TALDO1: variants seen among roughly 807,000 people sequenced by gnomAD.
The protein encoded by TALDO1 is transaldolase.
In TALDO1, 29 loss-of-function variants were observed where a neutral mutation model predicts 38.1. That is an observed-to-expected ratio of 0.76 (90% confidence interval 0.57 to 1.04). TALDO1 has a LOEUF of 1.04. Ranked by LOEUF, TALDO1 falls within the 50% of genes least tolerant of loss-of-function variation. The pLI is 0.00. For synonymous variants in TALDO1, 207 were observed against 176.8 expected (o/e 1.17, Z -1.36); for missense variants, 499 against 438.1 (o/e 1.14, Z -1.24).
intron 1 of TALDO1, chr11:752,548 T>C (rs902071419): frequency 6.6e-6 from 1 of 152,164 alleles, no homozygotes; most frequent in African/African-American, 2.4e-5. Flanking sequence ...GGGCTGTCCA[T>C]ACTTCAGTCA....
intron 7 of TALDO1, 76 bp downstream of exon 7, chr11:764,509 G>A: frequency 6.4e-7 from 1 of 1,572,140 alleles, no homozygotes; most frequent in South Asian, 1.2e-5. Context: ...GTTCAAGCTG[G>A]GCAGAGTTAA....
intron 2 of TALDO1, 40 bp downstream of exon 2, chr11:756,042 G>T: frequency 6.3e-7 from 1 of 1,599,410 alleles, no homozygotes; most frequent in Non-Finnish European, 8.5e-7. Flanking sequence ...CTAGGCCCTC[G>T]TGCTAGTCTA....
At chr11:747,809 A>G (rs1417114462) in intron 1 of TALDO1, among the ~76,000 whole-genome samples, 1 of 151,140 alleles carries the variant, frequency 6.6e-6, no homozygotes, top group Admixed American at 6.6e-5. Context: ...CCGTGAGGGG[A>G]ACGGGGCCCG....
In TALDO1 at chr11:755,884, G is replaced by A. The variant is rs770229183; in HGVS notation, c.103G>A (p.Asp35Asn). The A allele has an allele frequency of 3.7e-6, 6 of 1,614,004 alleles. No individual in the cohort carries two copies. Among genetic ancestry groups the A allele is most frequent in the East Asian group, 4.5e-5 (2 of 44,898 alleles). The change falls in exon 2 of 8, where the codon GAC becomes AAC. Residue 35 changes from aspartate (D) to asparagine (N), a missense_variant. Physicochemically the swap from Asp to Asn is conservative, Grantham distance 23. Transcript: ENST00000319006. ...VADTGDFHAI[D>N]EYKPQDATTN... ...TTTGAAAACTATTTCCCTAGCCATC[G>A]ACGAGTACAAGCCCCAGGATGCTAC... is the stretch of plus-strand genomic sequence containing the variant.
At position 763,356 on chromosome 11, in the gene TALDO1, G is replaced by A; in HGVS notation, c.474G>A (p.Glu158=). ...EGIQAGKELE[E]QHGIHCNMTL... is the part of the protein sequence containing the mutation. ...CCCCGCCCCGCAGGGAGCTCGAGGAGCAGCACGGCATCCACTGCAACATGA... is the reference window on the plus strand; with the variant it reads ...CCCCGCCCCGCAGGGAGCTCGAGGAACAGCACGGCATCCACTGCAACATGA... Residue 158 remains glutamate, a synonymous_variant, in exon 5 of 8, where the codon GAG becomes GAA. Transcript: ENST00000319006. 1.3e-6 allele frequency: 2 copies of A among 1,589,182 alleles called. No individual in the cohort carries two copies. Among genetic ancestry groups the A allele is most frequent in the Non-Finnish European group, 1.7e-6 (2 of 1,165,102 alleles).
rs1325650889 is a variant in TALDO1 at position 763,490 on chromosome 11, A to G, written c.608A>G (p.Lys203Arg). 6.2e-7 allele frequency: 1 copy of G among 1,613,434 alleles called. No individual in the cohort carries two copies. The highest frequency in any genetic ancestry group is 8.5e-7 in the Non-Finnish European group (1 of 1,179,850). The change falls in exon 5 of 8, where the codon AAG (lysine) becomes AGG (arginine). Residue 203 changes from lysine to arginine, a missense_variant. Physicochemically the swap from Lys to Arg is conservative, Grantham distance 26. Transcript: ENST00000319006. ...ILDWHVANTD[K>R]KSYEPLEDPG... ...GATTGGCATGTGGCAAACACCGACAAGAAATCCTATGAGCCCCTGGAAGAC... is the reference window on the plus strand; with the variant it reads ...GATTGGCATGTGGCAAACACCGACAGGAAATCCTATGAGCCCCTGGAAGAC...
In TALDO1 at chr11:757,441, C is replaced by T. The variant is rs376398029; in HGVS notation, c.221+1439C>T. 1.6e-3 allele frequency among the ~76,000 whole-genome samples: 242 copies of T among 152,122 alleles called. 1 individual carries two copies. The highest frequency in any genetic ancestry group is 5.3e-3 in the African/African-American group (220 of 41,518). ...CCAAGTAGCTGGGACTACAGGTGCA[C>T]GCCACCACACCTGGCTAATATTTGT... On this transcript the variant is annotated intron_variant, in intron 2 of 7. Transcript: ENST00000319006.
intron 7 of TALDO1, 130 bp from the exon 8 acceptor site, chr11:764,683 C>A: frequency 4.1e-6 from 6 of 1,468,434 alleles, no homozygotes; most frequent in Non-Finnish European, 5.7e-6. Context: ...ATTGGCCACC[C>A]TGTGGCCGTG....
At chr11:748,198 C>G (rs569460791) in intron 1 of TALDO1, among the ~76,000 whole-genome samples, 1 of 152,354 alleles carries the variant, frequency 6.6e-6, no homozygotes, top group East Asian at 1.9e-4. Flanking sequence ...TCAGCTAGCT[C>G]TGACCAGAAG....
At chr11:755,842 C>G (rs749109942) in intron 1 of TALDO1, 37 bp from the exon 2 acceptor site, 13 of 1,613,986 alleles carry the variant, frequency 8.1e-6, no homozygotes, top group South Asian at 4.4e-5. Context: ...GAAGCAAGTA[C>G]TCCACTTACT....
At chr11:761,990 C>T (rs566806695) in intron 4 of TALDO1, among the ~76,000 whole-genome samples, 16 of 151,072 alleles carry the variant, frequency 1.1e-4, no homozygotes, top group African/African-American at 2.9e-4. Context: ...GTTTTTGAGA[C>T]GGAGTTTCAT....
intron 4 of TALDO1, among the ~76,000 whole-genome samples, chr11:763,134 G>A (rs868565056): frequency 2.0e-5 from 3 of 151,774 alleles, no homozygotes; most frequent in African/African-American, 2.4e-5. Flanking sequence ...TTTAAGGCCC[G>A]TGAGCGTCTT....
In TALDO1 at chr11:764,300, A is replaced by G. The variant is rs779846428; in HGVS notation, c.848A>G (p.Asp283Gly). Reference protein sequence around the residue: ...VLSAKAAQASDLEKIHLDEKS... With the variant: ...VLSAKAAQASGLEKIHLDEKS... ...TCTTGTCCCCCAGCCCAAGCCAGTG[A>G]CCTGGAAAAAATCCACCTGGATGAG... is the stretch of plus-strand genomic sequence containing the variant. The change falls in exon 7 of 8, where the codon GAC becomes GGC. Residue 283 changes from aspartate to glycine, a missense_variant. By Grantham distance (94) the Asp-to-Gly change is moderately conservative. Transcript: ENST00000319006. 1.2e-6 allele frequency: 2 copies of G among 1,614,196 alleles called. No homozygotes were observed. The highest frequency in any genetic ancestry group is 1.1e-5 in the South Asian group (1 of 91,084).
At chr11:747,623 A>C (rs766927799) in intron 1 of TALDO1, 45 bp downstream of exon 1, 1 of 1,484,904 alleles carries the variant, frequency 6.7e-7, no homozygotes, top group Non-Finnish European at 9.1e-7. Context: ...CGCCCTCCAG[A>C]GGCCCCGGCG....
At chr11:763,702 T>A (rs1232131825) in intron 5 of TALDO1, 45 bp from the exon 6 acceptor site, 1 of 1,603,834 alleles carries the variant, frequency 6.2e-7, no homozygotes, top group Admixed American at 1.7e-5. Context: ...GGTGGGGTGG[T>A]ACCTCTGCCG....
intron 1 of TALDO1, among the ~76,000 whole-genome samples, chr11:753,986 CTTT>C (rs1210300893): frequency 6.6e-6 from 1 of 150,956 alleles, no homozygotes; most frequent in Non-Finnish European, 1.5e-5. Context: ...AAGAAAAAAA[CTTT>C]TTTATTTTTT....
chr11:748,458 C>T (rs1007396072), intron 1 of TALDO1, among the ~76,000 whole-genome samples: 3 of 152,230 alleles, frequency 2.0e-5, no homozygotes, highest in Non-Finnish European at 4.4e-5. Context: ...CTGTCCTCTG[C>T]AGTGCAGAGT....
chr11:762,539 G>A (rs998132488), intron 4 of TALDO1, among the ~76,000 whole-genome samples: 3 of 152,230 alleles, frequency 2.0e-5, no homozygotes, highest in Admixed American at 2.0e-4. Flanking sequence ...GAGTCTCTGG[G>A]TGACTGCTGG....
intron 2 of TALDO1, 51 bp downstream of exon 2, chr11:756,053 G>GT (rs1862832820): frequency 6.3e-7 from 1 of 1,585,182 alleles, no homozygotes; most frequent in African/African-American, 1.3e-5. Flanking sequence ...TGCTAGTCTA[G>GT]TTGGCCTTGC....
Sources: allele counts gnomAD v4.1 joint callset (sites outside exome capture counted in the v4.1 genomes callset), GRCh38; gene constraint gnomAD v4.1.1; transcripts MANE v1.5; gene names NCBI Gene and HGNC (gene_info 2026-07-23, HGNC 2026-07-21).